Variants in SAMMSON observed in about 807,000 individuals in gnomAD.
SAMMSON encodes long intergenic non-protein coding RNA 1212.
At chr3:70,275,732 A>G (rs1236842072) in intron 6 of SAMMSON, among the ~76,000 whole-genome samples, 1 of 152,202 alleles carries the variant, frequency 6.6e-6, no homozygotes, top group Non-Finnish European at 1.5e-5. Flanking sequence ...TAAATTGTGA[A>G]GTACAATTAA....
At chr3:70,392,289 A>G (rs915795936), downstream of SAMMSON, among the ~76,000 whole-genome samples, 3 of 152,160 alleles carry the variant, frequency 2.0e-5, no homozygotes, top group Admixed American at 6.5e-5. Flanking sequence ...CCCATCCCCC[A>G]GGAAGTAAGC....
chr3:70,036,519 C>T (rs1032938391), intron 3 of SAMMSON, among the ~76,000 whole-genome samples: 1 of 152,230 alleles, frequency 6.6e-6, no homozygotes, highest in South Asian at 2.1e-4. Context: ...GCATATAACC[C>T]AATTCTGACC....
intron 6 of SAMMSON, chr3:70,291,138 A>G (rs1243998622): frequency 5.3e-5 from 8 of 152,206 alleles, no homozygotes; most frequent in Admixed American, 5.2e-4. Context: ...CAGTTTTACC[A>G]TAAAAAGTAT....
chr3:70,174,534 C>A (rs557206246), intron 4 of SAMMSON, among the ~76,000 whole-genome samples: 2 of 151,884 alleles, frequency 1.3e-5, no homozygotes, highest in Admixed American at 1.3e-4. Flanking sequence ...TATTTAGTAG[C>A]CCTAGATTTA....
intron 4 of SAMMSON, among the ~76,000 whole-genome samples, chr3:70,178,665 A>G (rs1462866879): frequency 6.6e-6 from 1 of 152,206 alleles, no homozygotes; most frequent in Non-Finnish European, 1.5e-5. Flanking sequence ...ATGAAAAATG[A>G]TTAGATGTCT....
chr3:70,261,143 T>C (rs1326335969), intron 6 of SAMMSON, among the ~76,000 whole-genome samples: 1 of 152,202 alleles, frequency 6.6e-6, no homozygotes, highest in Non-Finnish European at 1.5e-5. Flanking sequence ...TAGCAGATAA[T>C]ATTGTATTTC....
At chr3:70,427,737 C>CAA (rs34837077) in intron 2 of SAMMSON, among the ~76,000 whole-genome samples, 30,110 of 102,552 alleles carry the variant, frequency 0.29, 4,172 homozygotes, top group Non-Finnish European at 0.39. Context: ...AACTCCGTCT[C>CAA]AAAAAAAAAA....
intron 3 of SAMMSON, among the ~76,000 whole-genome samples, chr3:70,065,626 C>G (rs2067206724): frequency 6.6e-6 from 1 of 151,988 alleles, no homozygotes; most frequent in African/African-American, 2.4e-5. Context: ...GGCTGTTGTC[C>G]TCTGTGGGAC....
intron 6 of SAMMSON, among the ~76,000 whole-genome samples, chr3:70,283,064 TC>T (rs1409496612): frequency 2.6e-5 from 4 of 152,144 alleles, no homozygotes; most frequent in African/African-American, 4.8e-5. Flanking sequence ...CTCAGGAACC[TC>T]AGTATGATTC....
At chr3:70,301,380 A>G (rs375155283) in intron 7 of SAMMSON, among the ~76,000 whole-genome samples, 3 of 152,058 alleles carry the variant, frequency 2.0e-5, no homozygotes, top group Admixed American at 6.6e-5. Flanking sequence ...ATGTTCTATT[A>G]TATTTCAAAT....
At chr3:70,048,405 T>A (rs1441017291) in intron 3 of SAMMSON, among the ~76,000 whole-genome samples, 1 of 152,118 alleles carries the variant, frequency 6.6e-6, no homozygotes, top group Non-Finnish European at 1.5e-5. Flanking sequence ...AAAGATTAAA[T>A]TACTTATTAC....
intron 7 of SAMMSON, among the ~76,000 whole-genome samples, chr3:70,309,230 T>C (rs550195432): frequency 6.6e-6 from 1 of 152,234 alleles, no homozygotes; most frequent in South Asian, 2.1e-4. Context: ...CCCTGCAAAT[T>C]TGAGCAAGAT....
chr3:70,329,652 G>C (rs1275404994), intron 7 of SAMMSON, among the ~76,000 whole-genome samples: 3 of 151,880 alleles, frequency 2.0e-5, no homozygotes, highest in Admixed American at 2.0e-4. Context: ...AGAAAAATGA[G>C]AATATGAATT....
chr3:70,258,727 G>A (rs76577867), intron 6 of SAMMSON, among the ~76,000 whole-genome samples: 5,802 of 152,044 alleles, frequency 0.038, 236 homozygotes, highest in East Asian at 0.21. Context: ...TTTTAATAGC[G>A]AAAACTTTAA....
At chr3:70,210,741 A>G (rs937301687) in intron 4 of SAMMSON, among the ~76,000 whole-genome samples, 1 of 151,804 alleles carries the variant, frequency 6.6e-6, no homozygotes, top group South Asian at 2.1e-4. Flanking sequence ...TTAAAAACAA[A>G]CCAAAATTAG....
intron 4 of SAMMSON, among the ~76,000 whole-genome samples, chr3:70,215,154 C>T (rs1012713407): frequency 1.3e-5 from 2 of 152,190 alleles, no homozygotes; most frequent in South Asian, 2.1e-4. Flanking sequence ...TGCATTATCA[C>T]ATTTGAAGCT....
intron 3 of SAMMSON, among the ~76,000 whole-genome samples, chr3:70,050,711 T>A (rs1042239369): frequency 4.6e-5 from 7 of 152,034 alleles, no homozygotes; most frequent in African/African-American, 1.7e-4. Context: ...TGATCAATGA[T>A]CAGTTGGTTG....
chr3:70,212,434 A>G (rs1701360610), intron 4 of SAMMSON, among the ~76,000 whole-genome samples: 1 of 152,088 alleles, frequency 6.6e-6, no homozygotes, highest in South Asian at 2.1e-4. Flanking sequence ...TCATTTTTCC[A>G]GTTCCCTGGG....
chr3:70,025,029 A>G (rs1235927356), intron 3 of SAMMSON: 4 of 152,138 alleles, frequency 2.6e-5, no homozygotes, highest in African/African-American at 9.7e-5. Context: ...AGCTTCCTGT[A>G]GATAACACCA....
Sources: allele counts gnomAD v4.1 joint callset (sites outside exome capture counted in the v4.1 genomes callset), GRCh38; gene constraint gnomAD v4.1.1; transcripts MANE v1.5; gene names NCBI Gene and HGNC (gene_info 2026-07-23, HGNC 2026-07-21).